RICTOR: variants seen among roughly 807,000 people sequenced by gnomAD.
RICTOR encodes rapamycin-insensitive companion of mTOR.
RICTOR carries 49 observed loss-of-function variants against 214.9 expected under a neutral mutation model. That is an observed-to-expected ratio of 0.23 (90% confidence interval 0.18 to 0.29). RICTOR has a LOEUF of 0.29. Ranked by LOEUF, RICTOR falls within the 10% of genes least tolerant of loss-of-function variation. The probability of loss-of-function intolerance (pLI) is 1.00; values close to 1 mark genes in which losing one functional copy is unlikely to be tolerated. For missense variants in RICTOR, 1,625 were observed against 2,047.0 expected, an observed-to-expected ratio of 0.79 and a Z score of 3.98; for synonymous variants, 717 against 711.3, an observed-to-expected ratio of 1.01 and a Z score of -0.13.
At chr5:38,970,626 T>TATA (rs1750700518) in intron 11 of RICTOR, 1 of 152,176 alleles carries the variant, frequency 6.6e-6, no homozygotes, top group Non-Finnish European at 1.5e-5. Context: ...CACCTCCAGG[T>TATA]TTGGTTCATA....
At chr5:39,044,657 G>A (rs1412877169) in intron 2 of RICTOR, among the ~76,000 whole-genome samples, 3 of 152,088 alleles carry the variant, frequency 2.0e-5, no homozygotes, top group Non-Finnish European at 4.4e-5. Context: ...TCTAAGGTAA[G>A]AACAAACCTA....
intron 2 of RICTOR, among the ~76,000 whole-genome samples, chr5:39,032,072 A>C (rs1756316378): frequency 6.6e-6 from 1 of 152,236 alleles, no homozygotes; most frequent in African/African-American, 2.4e-5. Flanking sequence ...CAAGGATAGC[A>C]TCTTCTGAGG....
chr5:39,073,954 G>A (rs1418958200), intron 2 of RICTOR, among the ~76,000 whole-genome samples, 157 bp downstream of exon 2: 2 of 151,572 alleles, frequency 1.3e-5, no homozygotes, highest in African/African-American at 4.8e-5. Context: ...AGGCGGCCCC[G>A]GGCTCGGTTC....
intron 7 of RICTOR, among the ~76,000 whole-genome samples, chr5:38,990,629 ATATAT>A (rs1752576841): frequency 9.0e-6 from 1 of 111,246 alleles, no homozygotes; most frequent in African/African-American, 3.4e-5. Flanking sequence ...TATATGATAT[ATATAT>A]CTGACATATA....
rs1561427425 is a variant in RICTOR, at chr5:38,940,696, G to A, written c.*1608C>T. Reference sequence around the variant, plus strand: ...GCACATAAGAACAATTCACTGAAGTGCAGTCAAAGAGGTGTTATGAAGTGA... The same window carrying A: ...GCACATAAGAACAATTCACTGAAGTACAGTCAAAGAGGTGTTATGAAGTGA... On this transcript the variant is annotated 3_prime_UTR_variant, in exon 38 of 38. Transcript: ENST00000357387. 1 of 232,834 alleles carries A rather than the reference G, an allele frequency of 4.3e-6. No individual in the cohort carries two copies. The highest frequency in any genetic ancestry group is 8.5e-6 in the Non-Finnish European group (1 of 117,566). The allele number at this position is 232,834 out of a possible 1,614,324, so 14.4% of individuals were successfully genotyped here. A position where few individuals can be genotyped will look rare whatever the true frequency, so the allele number is the denominator to read the frequency against.
At chr5:39,071,406 A>G (rs983719044) in intron 2 of RICTOR, among the ~76,000 whole-genome samples, 2 of 152,214 alleles carry the variant, frequency 1.3e-5, no homozygotes, top group African/African-American at 4.8e-5. Context: ...AATATTCAAA[A>G]CAACCGTTTA....
rs906397050 is a variant in RICTOR at position 38,938,715 on chromosome 5, C to A, written c.*3589G>T. 2.6e-5 allele frequency: 6 copies of A among 232,554 alleles called. No individual in the cohort carries two copies. Among genetic ancestry groups the A allele is most frequent in the African/African-American group, 1.3e-4 (6 of 45,286 alleles). The allele number at this position is 232,554 out of a possible 1,614,324, so 14.4% of individuals were successfully genotyped here. Reference sequence around the variant, plus strand: ...AAAGATTCTCACAGATTTCAGTGTTCTTTGATAAGCACTGCTATTAATTTC... The same window carrying A: ...AAAGATTCTCACAGATTTCAGTGTTATTTGATAAGCACTGCTATTAATTTC... On this transcript the variant is annotated 3_prime_UTR_variant, in exon 38 of 38. Transcript: ENST00000357387.
chr5:38,943,167 T>TA (rs1554058622), intron 36 of RICTOR, 196 bp from the exon 37 acceptor site: 130,827 of 412,412 alleles, frequency 0.32, 18,779 homozygotes, highest in Admixed American at 0.41. Context: ...GGTTTTTTTT[T>TA]AAAAAAAATG....
chr5:39,059,934 G>A (rs893049186), intron 2 of RICTOR, among the ~76,000 whole-genome samples: 2 of 152,076 alleles, frequency 1.3e-5, no homozygotes, highest in African/African-American at 4.8e-5. Flanking sequence ...AAGGCAACTT[G>A]TCCAGCAGAG....
rs1747627586 is a variant in RICTOR at position 38,942,070 on chromosome 5, A to T, written c.*234T>A. The T allele has an allele frequency of 8.1e-6, 3 of 371,084 alleles. No individual in the cohort carries two copies. Among genetic ancestry groups the T allele is most frequent in the African/African-American group, 4.1e-5 (2 of 48,396 alleles). The allele number at this position is 371,084 out of a possible 1,614,324, so 23.0% of individuals were successfully genotyped here. On this transcript the variant is annotated 3_prime_UTR_variant, in exon 38 of 38. Transcript: ENST00000357387. ...GCATACAATGGTAACTGAAACTCTTAAAACTGTGGTAATGAATCATGAACC... is the reference window on the plus strand; with the variant it reads ...GCATACAATGGTAACTGAAACTCTTTAAACTGTGGTAATGAATCATGAACC...
At chr5:38,994,060 G>C (rs1222141054) in intron 6 of RICTOR, among the ~76,000 whole-genome samples, 1 of 151,842 alleles carries the variant, frequency 6.6e-6, no homozygotes, top group Admixed American at 6.6e-5. Context: ...CGTGGTGGCG[G>C]GTGCCTGTAG....
At chr5:39,012,093 C>A (rs919294354) in intron 3 of RICTOR, among the ~76,000 whole-genome samples, 6 of 152,126 alleles carry the variant, frequency 3.9e-5, no homozygotes, top group Non-Finnish European at 8.8e-5. Flanking sequence ...GGTGGGATCA[C>A]GTGAAAATAC....
intron 7 of RICTOR, among the ~76,000 whole-genome samples, chr5:38,985,502 A>G (rs1042398632): frequency 2.0e-5 from 3 of 152,024 alleles, no homozygotes; most frequent in African/African-American, 7.2e-5. Flanking sequence ...TTACCTTTTT[A>G]TTGGATTGTT....
intron 35 of RICTOR, 53 bp from the exon 36 acceptor site, chr5:38,944,622 T>A: frequency 7.0e-7 from 1 of 1,429,284 alleles, no homozygotes; most frequent in African/African-American, 1.4e-5. Flanking sequence ...AATAAAATGA[T>A]TAAAACTCAT....
intron 3 of RICTOR, among the ~76,000 whole-genome samples, chr5:39,008,513 A>G (rs1394563294): frequency 6.6e-6 from 1 of 152,104 alleles, no homozygotes; most frequent in African/African-American, 2.4e-5. Context: ...GAAAAATATT[A>G]CTATAATTTT....
chr5:39,057,712 C>T (rs1450466414), intron 2 of RICTOR, among the ~76,000 whole-genome samples: 1 of 152,076 alleles, frequency 6.6e-6, no homozygotes. Flanking sequence ...TAAATCTGCT[C>T]AGTGAACTTT....
At chr5:38,996,142 C>T (rs1163310448) in intron 6 of RICTOR, among the ~76,000 whole-genome samples, 1 of 152,150 alleles carries the variant, frequency 6.6e-6, no homozygotes, top group African/African-American at 2.4e-5. Context: ...CAAACATATA[C>T]TTCATGATTC....
rs755591343 is a variant in RICTOR at position 39,074,386 on chromosome 5, G to A, written c.-9C>T. On this transcript the variant is annotated 5_prime_UTR_variant, in exon 1 of 38. Coordinates refer to ENST00000357387, the MANE Select transcript of RICTOR (RefSeq NM_152756.5). ...CGGCCGATCGCCGCCATATTGACGG[G>A]TTTCAGTCACAACACCGGAAACCTC... The A allele has an allele frequency of 8.5e-6, 13 of 1,537,112 alleles. No homozygotes were observed. The highest frequency in any genetic ancestry group is 1.1e-5 in the Non-Finnish European group (13 of 1,140,912).
chr5:39,042,685 G>A (rs1281965887), intron 2 of RICTOR, among the ~76,000 whole-genome samples: 1 of 152,114 alleles, frequency 6.6e-6, no homozygotes, highest in African/African-American at 2.4e-5. Flanking sequence ...CCACAATTCT[G>A]CTTTATTTCA....
Sources: allele counts gnomAD v4.1 joint callset (sites outside exome capture counted in the v4.1 genomes callset), GRCh38; gene constraint gnomAD v4.1.1; transcripts MANE v1.5; gene names NCBI Gene and HGNC (gene_info 2026-07-23, HGNC 2026-07-21).